CAST: variants seen among roughly 807,000 people sequenced by gnomAD.
CAST encodes the protein calpastatin.
A neutral mutation model predicts 119.6 loss-of-function variants in CAST; 76 were observed. The ratio of observed to expected loss-of-function variants is 0.64; its 90% confidence interval spans 0.53 to 0.77. CAST has a LOEUF of 0.77. Ranked by LOEUF, CAST falls within the 30% of genes least tolerant of loss-of-function variation. CAST has a pLI of 0.00. For synonymous variants in CAST, 319 were observed against 331.6 expected (o/e 0.96, Z 0.41); for missense variants, 953 against 946.5 (o/e 1.01, Z -0.09).
chr5:96,639,918 G>A (rs1045884409), intron 1 of CAST, among the ~76,000 whole-genome samples: 2 of 152,116 alleles, frequency 1.3e-5, no homozygotes, highest in African/African-American at 2.4e-5. Context: ...TTGACATCCA[G>A]TTGCCTCCAA....
At chr5:96,332,907 C>G in the CAST span, among the ~76,000 whole-genome samples, 1 of 151,840 alleles carries the variant, frequency 6.6e-6, no homozygotes, top group Non-Finnish European at 1.5e-5. Context: ...GGCTTGGGTT[C>G]CATCTGTACC....
the CAST span, among the ~76,000 whole-genome samples, chr5:95,963,723 CTCT>C: frequency 7.2e-6 from 1 of 138,516 alleles, no homozygotes; most frequent in Non-Finnish European, 1.5e-5. Flanking sequence ...TTTTCTCTCT[CTCT>C]TTTTTTTTTT....
chr5:96,351,668 CTG>C, the CAST span, among the ~76,000 whole-genome samples: 200 of 152,002 alleles, frequency 1.3e-3, 1 homozygote, highest in African/African-American at 4.5e-3. Context: ...GAAAGAAACA[CTG>C]AGGGGAAAGG....
rs1748666810 is a variant in CAST, at chr5:96,662,461, G to A, written c.39G>A (p.Arg13=). Residue 13 remains arginine, a synonymous_variant, in exon 1 of 32, where the codon CGG becomes CGA. Coordinates refer to ENST00000675179, the MANE Select transcript of CAST (RefSeq NM_001750.7). The stretch of plus-strand genomic sequence containing the variant: ...GCCAGAAGCCCGCCGCCTCCCCGCG[G>A]CCCCGGCGAGCAGCCGCCGCCCGCC... The part of the protein sequence containing the change: ...QPGQKPAASP[R]PRRAAAARRT... 3 of 1,434,924 alleles carry A rather than the reference G, an allele frequency of 2.1e-6. No individual in the cohort carries two copies. The highest frequency in any genetic ancestry group is 2.7e-6 in the Non-Finnish European group (3 of 1,098,690). The allele number at this position is 1,434,924 out of a possible 1,614,324, so 88.9% of individuals were successfully genotyped here.
intron 1 of CAST, among the ~76,000 whole-genome samples, chr5:96,533,834 A>G (rs1745735500): frequency 6.6e-6 from 1 of 152,240 alleles, no homozygotes; most frequent in Non-Finnish European, 1.5e-5. Context: ...ACCCAGGGAT[A>G]GGCACTTGTG....
At chr5:95,990,008 T>C in the CAST span, among the ~76,000 whole-genome samples, 3 of 152,170 alleles carry the variant, frequency 2.0e-5, no homozygotes, top group African/African-American at 7.2e-5. Flanking sequence ...CTTTTTAGAA[T>C]AAAATTCCAC....
chr5:96,465,548 G>A, the CAST span, among the ~76,000 whole-genome samples: 1 of 151,966 alleles, frequency 6.6e-6, no homozygotes, highest in African/African-American at 2.4e-5. Context: ...CATAATAGAT[G>A]TACATATTTT....
chr5:96,061,644 AGT>A, the CAST span, among the ~76,000 whole-genome samples: 34,842 of 149,284 alleles, frequency 0.23, 4,299 homozygotes, highest in East Asian at 0.32. Flanking sequence ...CTTGTTATTC[AGT>A]GTGTGTGTGT....
intron 9 of CAST, among the ~76,000 whole-genome samples, chr5:96,734,523 C>G (rs1286895793): frequency 6.6e-6 from 1 of 152,190 alleles, no homozygotes; most frequent in African/African-American, 2.4e-5. Context: ...CAAAAATCTT[C>G]AGGTTTTAGG....
chr5:96,140,319 G>A, the CAST span, among the ~76,000 whole-genome samples: 6 of 152,222 alleles, frequency 3.9e-5, no homozygotes, highest in Non-Finnish European at 7.3e-5. Context: ...CTATTTGGGT[G>A]CCAGGAACCC....
the CAST span, among the ~76,000 whole-genome samples, chr5:96,055,229 C>T: frequency 1.3e-5 from 2 of 152,014 alleles, no homozygotes; most frequent in African/African-American, 2.4e-5. Flanking sequence ...TTACTCTCAC[C>T]GCTCCCCCAA....
chr5:96,388,788 T>C, the CAST span, among the ~76,000 whole-genome samples: 1 of 152,250 alleles, frequency 6.6e-6, no homozygotes, highest in African/African-American at 2.4e-5. Context: ...GTTAATCCAA[T>C]AGTTACCAGA....
the CAST span, among the ~76,000 whole-genome samples, chr5:96,257,790 C>T: frequency 3.9e-5 from 6 of 152,324 alleles, no homozygotes; most frequent in East Asian, 5.8e-4. Context: ...TACAGTTCTC[C>T]GAGGGCTTAC....
chr5:96,632,389 T>C (rs1281472943), intron 1 of CAST, among the ~76,000 whole-genome samples: 4 of 150,530 alleles, frequency 2.7e-5, no homozygotes, highest in African/African-American at 9.7e-5. Flanking sequence ...AATTTATATA[T>C]AAAAATTGTG....
At chr5:96,129,282 A>C in the CAST span, among the ~76,000 whole-genome samples, 1 of 152,128 alleles carries the variant, frequency 6.6e-6, no homozygotes, top group Non-Finnish European at 1.5e-5. Context: ...TAGAATATGA[A>C]TCTGGTTATG....
the CAST span, among the ~76,000 whole-genome samples, chr5:95,967,538 C>T: frequency 1.3e-5 from 2 of 152,076 alleles, no homozygotes; most frequent in Admixed American, 6.5e-5. Flanking sequence ...TGGGAGGGAC[C>T]CAATGGGAGG....
At chr5:96,604,874 G>A (rs1200227170) in intron 1 of CAST, among the ~76,000 whole-genome samples, 2 of 152,228 alleles carry the variant, frequency 1.3e-5, no homozygotes, top group Non-Finnish European at 2.9e-5. Flanking sequence ...TAGGCAAAAG[G>A]CAGAGAAGAC....
chr5:96,128,659 C>T, the CAST span, among the ~76,000 whole-genome samples: 1 of 152,064 alleles, frequency 6.6e-6, no homozygotes, highest in African/African-American at 2.4e-5. Context: ...TTTCTTGTCT[C>T]CTGAGAGTGG....
chr5:96,256,771 T>C, the CAST span, among the ~76,000 whole-genome samples: 2 of 152,102 alleles, frequency 1.3e-5, no homozygotes, highest in African/African-American at 4.8e-5. Context: ...ATAAATATAA[T>C]AATAGTATAT....
Sources: allele counts gnomAD v4.1 joint callset (sites outside exome capture counted in the v4.1 genomes callset), GRCh38; gene constraint gnomAD v4.1.1; transcripts MANE v1.5; gene names NCBI Gene and HGNC (gene_info 2026-07-23, HGNC 2026-07-21).